PIGV: variants seen among roughly 807,000 people sequenced by gnomAD.
PIGV encodes phosphatidylinositol glycan anchor biosynthesis class V, also known as GPI alpha-1,6-mannosyltransferase 2.
A neutral mutation model predicts 39.2 loss-of-function variants in PIGV; 27 were observed. That is an observed-to-expected ratio of 0.69 (90% confidence interval 0.51 to 0.95). The LOEUF (loss-of-function observed/expected upper bound fraction) is 0.95. Ranked by LOEUF, PIGV falls within the 40% of genes least tolerant of loss-of-function variation. PIGV has a pLI of 0.00. For missense variants in PIGV, 523 were observed against 586.4 expected, an observed-to-expected ratio of 0.89 and a Z score of 1.12; for synonymous variants, 232 against 241.7, an observed-to-expected ratio of 0.96 and a Z score of 0.37.
chr1:26,787,551 T>C (rs2124168955), upstream of PIGV: 1 of 152,368 alleles, frequency 6.6e-6, no homozygotes, highest in Admixed American at 6.5e-5. Flanking sequence ...GGACATCTAT[T>C]GTGTGTCAGG....
intron 2 of PIGV, among the ~76,000 whole-genome samples, 160 bp from the exon 3 acceptor site, chr1:26,793,953 C>CA (rs1315151118): frequency 3.3e-5 from 5 of 152,066 alleles, no homozygotes; most frequent in African/African-American, 1.2e-4. Context: ...CTATGTTGCC[C>CA]AGGCTGGTCA....
chr1:26,795,059 C>T lies in PIGV; in HGVS notation c.1025C>T (p.Thr342Ile). The change falls in exon 3 of 4, where the codon ACT (threonine) becomes ATT (isoleucine). Residue 342 changes from threonine to isoleucine, a missense_variant. Thr to Ile is a moderately conservative substitution (Grantham distance 89, BLOSUM62 -1). Transcript: ENST00000674202. ...APVAILVAWA[T>I]WTYVTTHPWL... ...GTGGCTATACTGGTTGCCTGGGCAA[C>T]TTGGACATACGTGACCACTCACCCT... The T allele has an allele frequency of 6.2e-7, 1 of 1,614,212 alleles. No individual in the cohort carries two copies. Among genetic ancestry groups the T allele is most frequent in the Non-Finnish European group, 8.5e-7 (1 of 1,180,046 alleles).
In PIGV at chr1:26,797,788, C is replaced by T; in HGVS notation, c.1426C>T (p.Leu476=). ...PVTRYILGYF[L]TYWLLGLLLH... is the part of the protein sequence containing the mutation. ...CACACGATACATTCTAGGCTACTTC[C>T]TGACTTACTGGCTCCTGGGACTACT... Residue 476 remains leucine, a synonymous_variant, in exon 4 of 4, where the codon CTG becomes TTG. Coordinates refer to ENST00000674202, the MANE Select transcript of PIGV (RefSeq NM_017837.4). The T allele has an allele frequency of 6.2e-7, 1 of 1,614,124 alleles. No homozygotes were observed. Among genetic ancestry groups the T allele is most frequent in the Non-Finnish European group, 8.5e-7 (1 of 1,179,966 alleles).
chr1:26,797,906 C>T lies in PIGV; in HGVS notation c.*62C>T. On this transcript the variant is annotated 3_prime_UTR_variant, in exon 4 of 4. Coordinates refer to ENST00000674202, the MANE Select transcript of PIGV (RefSeq NM_017837.4). ...ACCCAGGGGTCTGAAAGTAAAAATA[C>T]ACATTGGAACTGCCTCTGCTGCCCT... is the stretch of plus-strand genomic sequence containing the variant. 1 of 1,359,378 alleles carries T rather than the reference C, an allele frequency of 7.4e-7. No individual in the cohort carries two copies. The highest frequency in any genetic ancestry group is 1.1e-6 in the Non-Finnish European group (1 of 948,742). The allele number at this position is 1,359,378 out of a possible 1,614,324, so 84.2% of individuals were successfully genotyped here.
Position 26,794,170 on chromosome 1 carries a change from C to T in PIGV, c.136C>T (p.Leu46=). 6.2e-7 allele frequency: 1 copy of T among 1,614,248 alleles called. No homozygotes were observed. Residue 46 remains leucine (L), a synonymous_variant, in exon 3 of 4, where the codon CTG becomes TTG. Coordinates refer to ENST00000674202, the MANE Select transcript of PIGV (RefSeq NM_017837.4). ...HHAEAFSPPR[L]APSGFVDQLV... is the part of the protein sequence containing the mutation. ...TGCAGAAGCCTTCTCTCCTCCTCGC[C>T]TGGCCCCCTCAGGCTTTGTGGACCA...
Position 26,797,643 on chromosome 1 carries a change from G to C in PIGV, c.1281G>C (p.Leu427=), listed in dbSNP as rs1194091686. Residue 427 remains leucine, a synonymous_variant, in exon 4 of 4, where the codon CTG becomes CTC. Coordinates refer to ENST00000674202, the MANE Select transcript of PIGV (RefSeq NM_017837.4). ...ACTTGCTTCAGGATCAAGAGCCGCT[G>C]TTGAGATCCTTAAAGACTGTGCCTT... ...PAHLLQDQEP[L]LRSLKTVPWK... is the part of the protein sequence containing the mutation. 22 of 1,613,942 alleles carry C rather than the reference G, an allele frequency of 1.4e-5. No individual in the cohort carries two copies. Among genetic ancestry groups the C allele is most frequent in the Non-Finnish European group, 1.8e-5 (21 of 1,179,918 alleles).
rs746942271 is a variant in PIGV at position 26,794,940 on chromosome 1, A to G, written c.906A>G (p.Leu302=). 3 of 1,614,160 alleles carry G rather than the reference A, an allele frequency of 1.9e-6. No homozygotes were observed. Among genetic ancestry groups the G allele is most frequent in the Non-Finnish European group, 1.7e-6 (2 of 1,180,008 alleles). Residue 302 remains leucine (L), a synonymous_variant, in exon 3 of 4, where the codon CTA becomes CTG. Transcript: ENST00000674202. ...CTTGGTGCTTCTGGGATGTTCCACT[A>G]ATATACAGCTATATCCAGGATGTCT... The part of the protein sequence containing the change: ...EPPWCFWDVP[L]IYSYIQDVYW...
Position 26,795,141 on chromosome 1 carries a change from G to T in PIGV, c.1107G>T (p.Lys369Asn), listed in dbSNP as rs2124197664. The T allele has an allele frequency of 1.9e-6, 3 of 1,614,078 alleles. No homozygotes were observed. The highest frequency in any genetic ancestry group is 1.7e-5 in the Admixed American group (1 of 60,016). Residue 369 changes from lysine (K) to asparagine (N), a missense_variant, in exon 3 of 4, where the codon AAG becomes AAT. Coordinates refer to ENST00000674202, the MANE Select transcript of PIGV (RefSeq NM_017837.4). ...QRSKNNKTLE[K>N]PDLGFLSPQV... ...GCAAGAACAATAAGACCCTAGAGAAGCCCGATCTTGGATTCCTCAGTCCTC... is the reference window on the plus strand; with the variant it reads ...GCAAGAACAATAAGACCCTAGAGAATCCCGATCTTGGATTCCTCAGTCCTC...
chr1:26,798,125 T>G lies in PIGV; in HGVS notation c.*281T>G, dbSNP rs185747325. On this transcript the variant is annotated 3_prime_UTR_variant, in exon 4 of 4. Transcript: ENST00000674202. ...CCTGGATCTGTCTAGTCAATCAACA[T>G]AGCAGAGACAGTCTTAAACCTACCA... 83 of 455,006 alleles carry G rather than the reference T, an allele frequency of 1.8e-4. No homozygotes were observed. In the East Asian group the frequency reaches 3.6e-3, roughly 20 times the overall value. 28.2% of individuals were successfully genotyped at this position (455,006 alleles called of 1,614,324 possible). A position where few individuals can be genotyped will look rare whatever the true frequency, so the allele number is the denominator to read the frequency against.
rs2081298017 is a variant in PIGV at position 26,790,722 on chromosome 1, C to T, written c.-57-37C>T. 4.0e-6 allele frequency: 4 copies of T among 991,622 alleles called. 1 individual carries two copies. Among genetic ancestry groups the T allele is most frequent in the South Asian group, 3.9e-5 (3 of 76,386 alleles). The allele number at this position is 991,622 out of a possible 1,614,324, so 61.4% of individuals were successfully genotyped here. On this transcript the variant is annotated intron_variant, in intron 1 of 3. Coordinates refer to ENST00000674202, the MANE Select transcript of PIGV (RefSeq NM_017837.4). ...ACGAATGCTTTCAAGAATTTGCTTT[C>T]ACTCGATGTGTGACATTTTCCTCCT...
At chr1:26,788,600 C>T (rs557261505) in intron 1 of PIGV, 2 of 152,330 alleles carry the variant, frequency 1.3e-5, no homozygotes, top group East Asian at 3.9e-4. Context: ...GGCGCGTACC[C>T]TTTGGCGAGG....
intron 1 of PIGV, chr1:26,788,650 A>T (rs1235736390): frequency 6.6e-6 from 1 of 152,192 alleles, no homozygotes; most frequent in Non-Finnish European, 1.5e-5. Flanking sequence ...AGCAGAAAAC[A>T]TGACAGCCTC....
chr1:26,790,648 G>C, intron 1 of PIGV, 111 bp from the exon 2 acceptor site: 1 of 640,064 alleles, frequency 1.6e-6, no homozygotes, highest in South Asian at 1.8e-5. Context: ...GGGAAGTTAG[G>C]TGGTTGGTTA....
chr1:26,797,731 C>CT lies in PIGV; in HGVS notation c.1373dup (p.Leu458PhefsTer54). 1 of 1,614,110 alleles carries CT rather than the reference C, an allele frequency of 6.2e-7. No individual in the cohort carries two copies. The highest frequency in any genetic ancestry group is 1.6e-4 in the Middle Eastern group (1 of 6,062). The stretch of plus-strand genomic sequence containing the variant: ...GGTCCCCAGAAATCCTATCATGGGA[C>CT]TTTTGTATCACTGGAAAACCTGTTC... On this transcript the variant is annotated frameshift_variant, in exon 4 of 4. Transcript: ENST00000674202. LOFTEE classifies it high-confidence loss of function.
intron 2 of PIGV, among the ~76,000 whole-genome samples, chr1:26,791,303 G>A (rs2081306422): frequency 6.6e-6 from 1 of 152,132 alleles, no homozygotes; most frequent in Non-Finnish European, 1.5e-5. Context: ...TGTCAGTTGA[G>A]TGGGAGAAAC....
At position 26,794,162 on chromosome 1, in the gene PIGV, C is replaced by T; in HGVS notation, c.128C>T (p.Pro43Leu). 1 of 1,614,256 alleles carries T rather than the reference C, an allele frequency of 6.2e-7. No individual in the cohort carries two copies. The highest frequency in any genetic ancestry group is 2.2e-5 in the East Asian group (1 of 44,896). The change falls in exon 3 of 4, where the codon CCT becomes CTT. Residue 43 changes from proline to leucine, a missense_variant. Pro to Leu is a moderately conservative substitution (Grantham distance 98). Coordinates refer to ENST00000674202, the MANE Select transcript of PIGV (RefSeq NM_017837.4). ...IPDHHAEAFSPPRLAPSGFVD... is the reference protein window; with the variant it reads ...IPDHHAEAFSLPRLAPSGFVD... ...GATCACCATGCAGAAGCCTTCTCTC[C>T]TCCTCGCCTGGCCCCCTCAGGCTTT...
At chr1:26,789,688 C>T (rs1348004163) in intron 1 of PIGV, among the ~76,000 whole-genome samples, 1 of 152,190 alleles carries the variant, frequency 6.6e-6, no homozygotes, top group African/African-American at 2.4e-5. Flanking sequence ...AGCACACTGT[C>T]TAGTGAGGAT....
chr1:26,795,359 A>G (rs2081367845), intron 3 of PIGV, 125 bp downstream of exon 3: 1 of 1,153,008 alleles, frequency 8.7e-7, no homozygotes, highest in Non-Finnish European at 1.3e-6. Context: ...TTCAATGACT[A>G]TTTAGGGTTA....
upstream of PIGV, chr1:26,787,323 G>A (rs1472088789): frequency 1.3e-5 from 2 of 152,036 alleles, no homozygotes; most frequent in Non-Finnish European, 2.9e-5. Flanking sequence ...GCTTGGGTGA[G>A]GGAGGTGAAA....
Sources: gnomAD v4.1 joint callset for allele counts (sites outside exome capture counted in the v4.1 genomes callset) on GRCh38, gnomAD v4.1.1 for gene constraint, MANE v1.5 for transcripts, NCBI Gene and HGNC (gene_info 2026-07-23, HGNC 2026-07-21) for gene names.